TMEM74: variants seen among roughly 807,000 people sequenced by gnomAD.
TMEM74 encodes the protein transmembrane protein 74.
In TMEM74, 13 loss-of-function variants were observed where a neutral mutation model predicts 18.1. That is an observed-to-expected ratio of 0.72 (90% CI 0.47 to 1.14). TMEM74 has a LOEUF of 1.14. Ranked by LOEUF, TMEM74 falls within the 50% of genes most tolerant of loss-of-function variation. The pLI, the probability that TMEM74 is intolerant of heterozygous loss-of-function variation, is 0.00. For synonymous variants in TMEM74, 159 were observed against 146.6 expected (o/e 1.08, Z -0.61); for missense variants, 372 against 375.9 (o/e 0.99, Z 0.09).
chr8:108,617,967 T>G (rs914828374), intron 2 of TMEM74, among the ~76,000 whole-genome samples: 3 of 152,090 alleles, frequency 2.0e-5, no homozygotes, highest in Non-Finnish European at 4.4e-5. Context: ...AGATTTATAG[T>G]GCAGGTAAAA....
chr8:108,673,856 T>C (rs1380020339), intron 1 of TMEM74, among the ~76,000 whole-genome samples: 8 of 152,228 alleles, frequency 5.3e-5, no homozygotes, highest in African/African-American at 1.9e-4. Context: ...AACACTGTTA[T>C]CACAACCCTA....
intron 1 of TMEM74, among the ~76,000 whole-genome samples, chr8:108,714,435 C>A (rs1249411009): frequency 6.6e-6 from 1 of 151,970 alleles, no homozygotes; most frequent in Non-Finnish European, 1.5e-5. Context: ...ATATAGATAC[C>A]CTCTGGCACA....
intron 1 of TMEM74, among the ~76,000 whole-genome samples, chr8:108,724,669 A>G (rs1379412897): frequency 1.3e-5 from 2 of 152,198 alleles, no homozygotes; most frequent in African/African-American, 4.8e-5. Flanking sequence ...AGAACAAGTT[A>G]AAATTGCTTA....
rs527749743 is a variant in TMEM74 at position 108,660,268 on chromosome 8, C to G, written n.120-4831G>C. Reference sequence around the variant, plus strand: ...TAGCTAGTTTCTCTACTACTCCCTACTCATTTCCAATATTCTAGCTCAGCT... The same window carrying G: ...TAGCTAGTTTCTCTACTACTCCCTAGTCATTTCCAATATTCTAGCTCAGCT... On this transcript the variant is annotated intron_variant and non_coding_transcript_variant, in intron 1 of 3. Coordinates refer to the TMEM74 transcript ENST00000518838. 2.0e-5 allele frequency among the ~76,000 whole-genome samples: 3 copies of G among 152,296 alleles called. No homozygotes were observed. The East Asian group carries it at 5.8e-4, about 29-fold the overall frequency.
intron 1 of TMEM74, among the ~76,000 whole-genome samples, chr8:108,717,217 AGGAGT>A (rs1440391291): frequency 1.3e-5 from 2 of 152,170 alleles, no homozygotes; most frequent in African/African-American, 4.8e-5. Flanking sequence ...AAAATAATAA[AGGAGT>A]TACTCAAAAA....
chr8:108,669,337 A>G (rs2130588111), intron 1 of TMEM74, among the ~76,000 whole-genome samples: 1 of 152,196 alleles, frequency 6.6e-6, no homozygotes, highest in South Asian at 2.1e-4. Context: ...GGACACACAC[A>G]AGTTATCCTG....
chr8:108,755,656 T>C (rs1293487443), intron 1 of TMEM74, among the ~76,000 whole-genome samples: 1 of 152,126 alleles, frequency 6.6e-6, no homozygotes, highest in Admixed American at 6.6e-5. Context: ...CACAAATTGC[T>C]TTTTTAATGA....
chr8:108,621,159 C>G (rs1347672782), intron 2 of TMEM74, among the ~76,000 whole-genome samples: 1 of 152,072 alleles, frequency 6.6e-6, no homozygotes, highest in Non-Finnish European at 1.5e-5. Flanking sequence ...AAGAGGTGAT[C>G]ACAGAAAACA....
chr8:108,641,974 G>C (rs969297851), intron 2 of TMEM74, among the ~76,000 whole-genome samples: 2 of 152,028 alleles, frequency 1.3e-5, no homozygotes, highest in Admixed American at 6.6e-5. Flanking sequence ...TGACACGCCT[G>C]GCACAGTGAA....
intron 1 of TMEM74, among the ~76,000 whole-genome samples, chr8:108,694,427 A>T (rs907605441): frequency 1.7e-4 from 26 of 152,238 alleles, no homozygotes; most frequent in African/African-American, 6.3e-4. Flanking sequence ...ACCCAGATAC[A>T]AAAGGTCACA....
intron 2 of TMEM74, among the ~76,000 whole-genome samples, chr8:108,639,718 G>A (rs140348918): frequency 1.3e-4 from 20 of 152,124 alleles, no homozygotes; most frequent in African/African-American, 4.8e-4. Flanking sequence ...CAGTCATAAT[G>A]ACAATTAAAA....
intron 2 of TMEM74, among the ~76,000 whole-genome samples, chr8:108,613,922 A>T (rs2130535974): frequency 6.6e-6 from 1 of 152,242 alleles, no homozygotes; most frequent in African/African-American, 2.4e-5. Context: ...TTCATCTTCC[A>T]ATGGGGTAAT....
chr8:108,775,869 T>G (rs1257491147), downstream of TMEM74, among the ~76,000 whole-genome samples: 8 of 152,170 alleles, frequency 5.3e-5, no homozygotes, highest in African/African-American at 1.9e-4. Flanking sequence ...CTCCTATGGA[T>G]CCACTCAGCA....
At chr8:108,719,431 T>C (rs1215609153) in intron 1 of TMEM74, among the ~76,000 whole-genome samples, 1 of 152,146 alleles carries the variant, frequency 6.6e-6, no homozygotes, top group African/African-American at 2.4e-5. Context: ...TGTTTAGTAT[T>C]TATTTCAATT....
intron 1 of TMEM74, among the ~76,000 whole-genome samples, chr8:108,719,774 G>T (rs1456588809): frequency 2.6e-5 from 4 of 151,992 alleles, no homozygotes; most frequent in Non-Finnish European, 5.9e-5. Flanking sequence ...AATTTGAGAA[G>T]CATCCTCTCA....
intron 1 of TMEM74, among the ~76,000 whole-genome samples, chr8:108,768,361 G>A (rs1361627974): frequency 1.3e-5 from 2 of 151,838 alleles, no homozygotes; most frequent in Non-Finnish European, 2.9e-5. Flanking sequence ...ATTTATCTCT[G>A]GACCCTTCCT....
At chr8:108,693,172 G>A (rs895549158) in intron 1 of TMEM74, among the ~76,000 whole-genome samples, 1 of 152,166 alleles carries the variant, frequency 6.6e-6, no homozygotes, top group African/African-American at 2.4e-5. Flanking sequence ...ACATAAGCCG[G>A]TATGGCTGGA....
intron 1 of TMEM74, among the ~76,000 whole-genome samples, chr8:108,658,702 C>T (rs1812870448): frequency 6.6e-6 from 1 of 152,204 alleles, no homozygotes; most frequent in Non-Finnish European, 1.5e-5. Context: ...CTGGTTGAGC[C>T]TCTTCGTAAT....
chr8:108,634,529 C>G (rs986952028), intron 2 of TMEM74, among the ~76,000 whole-genome samples: 1 of 151,860 alleles, frequency 6.6e-6, no homozygotes, highest in African/African-American at 2.4e-5. Flanking sequence ...ATAAGGCTAC[C>G]CACACCAGTT....
Sources: allele counts gnomAD v4.1 joint callset (sites outside exome capture counted in the v4.1 genomes callset), GRCh38; gene constraint gnomAD v4.1.1; transcripts MANE v1.5; gene names NCBI Gene and HGNC (gene_info 2026-07-23, HGNC 2026-07-21).